Variants in DIP2A observed in about 807,000 individuals in gnomAD.
DIP2A encodes DIP2 acetate--CoA ligase A, also known as disco-interacting protein 2 homolog A.
Under a neutral mutation model 177.4 loss-of-function variants are expected in DIP2A, and 85 were observed. That is an observed-to-expected ratio of 0.48 (90% confidence interval 0.40 to 0.57). DIP2A has a LOEUF of 0.57. Ranked by LOEUF, DIP2A falls within the 20% of genes least tolerant of loss-of-function variation. The pLI is 0.00. For missense variants in DIP2A, 1,791 were observed against 2,100.2 expected, an observed-to-expected ratio of 0.85 and a Z score of 2.88; for synonymous variants, 886 against 881.8, an observed-to-expected ratio of 1.00 and a Z score of -0.08.
Position 46,567,507 on chromosome 21 carries a change from T to C in DIP2A, c.4601T>C (p.Ile1534Thr). Residue 1534 changes from isoleucine to threonine, a missense_variant, in exon 38 of 38, where the codon ATC (isoleucine) becomes ACC (threonine). By Grantham distance (89) the Ile-to-Thr change is moderately conservative. Coordinates refer to ENST00000417564, the MANE Select transcript of DIP2A (RefSeq NM_015151.4). ...EHYLVVGVVV[I>T]VDPGVIPINS... ...TACCTGGTCGTGGGAGTGGTGGTCA[T>C]CGTGGACCCAGGGGTGATCCCTATC... 6.2e-7 allele frequency: 1 copy of C among 1,613,724 alleles called. No individual in the cohort carries two copies. Among genetic ancestry groups the C allele is most frequent in the Non-Finnish European group, 8.5e-7 (1 of 1,179,816 alleles).
chr21:46,473,065 G>A (rs1254060307), intron 1 of DIP2A, among the ~76,000 whole-genome samples: 1 of 152,162 alleles, frequency 6.6e-6, no homozygotes, highest in East Asian at 1.9e-4. Flanking sequence ...CTGGACAACA[G>A]CAAAGTGTAT....
At chr21:46,481,142 C>T (rs540212967) in intron 1 of DIP2A, among the ~76,000 whole-genome samples, 46 of 152,282 alleles carry the variant, frequency 3.0e-4, no homozygotes, top group African/African-American at 1.1e-3. Flanking sequence ...TGCAGTCTCC[C>T]GGTCCCCCAG....
In DIP2A at chr21:46,520,348, A is replaced by G. The variant is rs371644040; in HGVS notation, c.1102+8734A>G. Among the ~76,000 whole-genome samples, 92 of 152,346 alleles carry G rather than the reference A, an allele frequency of 6.0e-4. 1 individual carries two copies. The South Asian group carries it at 9.7e-3, about 16-fold the overall frequency. ...GTTACTTCTGTTTTCTACTGGTTCT[A>G]TTAGTCCTATTAGTTCAGCTCATGT... On this transcript the variant is annotated intron_variant, in intron 8 of 37. Transcript: ENST00000417564.
intron 9 of DIP2A, among the ~76,000 whole-genome samples, chr21:46,531,503 G>A (rs1040592593): frequency 2.6e-5 from 4 of 152,194 alleles, no homozygotes; most frequent in African/African-American, 9.6e-5. Flanking sequence ...TTTATGCAAC[G>A]CTTTAGAATG....
intron 25 of DIP2A, chr21:46,552,845 C>G (rs2060322297): frequency 6.6e-6 from 1 of 152,212 alleles, no homozygotes; most frequent in African/African-American, 2.4e-5. Flanking sequence ...GTTCTAAAGC[C>G]TACAAACCAG....
chr21:46,476,874 C>G (rs2055893410), intron 1 of DIP2A, among the ~76,000 whole-genome samples: 1 of 152,116 alleles, frequency 6.6e-6, no homozygotes, highest in African/African-American at 2.4e-5. Flanking sequence ...CCACCATGGT[C>G]TCAAACTCCT....
chr21:46,466,661 T>C (rs546631165), intron 1 of DIP2A, among the ~76,000 whole-genome samples: 1 of 151,888 alleles, frequency 6.6e-6, no homozygotes, highest in East Asian at 1.9e-4. Flanking sequence ...TTTTTTTTTT[T>C]AAGAGACTCC....
chr21:46,506,854 G>GC (rs2058040418), intron 6 of DIP2A, among the ~76,000 whole-genome samples: 1 of 132,280 alleles, frequency 7.6e-6, no homozygotes, highest in Non-Finnish European at 1.6e-5. Context: ...CAGGCAGAGT[G>GC]CAGTGGTGCG....
At position 46,519,906 on chromosome 21, in the gene DIP2A, G is replaced by A. The variant is rs547696897; in HGVS notation, c.1102+8292G>A. The stretch of plus-strand genomic sequence containing the variant: ...TTTTTTTTTTTTGAGATGGAGTCTT[G>A]CTCTGCTGCTCAGGCTGGAGTGCAG... On this transcript the variant is annotated intron_variant, in intron 8 of 37. Transcript: ENST00000417564. Among the ~76,000 whole-genome samples the A allele has an allele frequency of 1.2e-4, 12 of 99,832 alleles. No individual in the cohort carries two copies. In the South Asian group the frequency reaches 4.2e-3, roughly 35 times the overall value. 65.5% of individuals were successfully genotyped at this position (99,832 alleles called of 152,430 possible). A position where few individuals can be genotyped will look rare whatever the true frequency, so the allele number is the denominator to read the frequency against.
chr21:46,552,221 A>G (rs1173231816), intron 25 of DIP2A, among the ~76,000 whole-genome samples: 1 of 152,246 alleles, frequency 6.6e-6, no homozygotes. Context: ...AATTAAAAAC[A>G]GTATACATGT....
At chr21:46,566,475 C>G in intron 36 of DIP2A, 85 bp from the exon 37 acceptor site, 24 of 1,571,846 alleles carry the variant, frequency 1.5e-5, no homozygotes, top group Non-Finnish European at 2.1e-5. Flanking sequence ...TGCCTGAGAG[C>G]CCCTGGTTGG....
At chr21:46,506,180 T>C (rs2057972350) in intron 6 of DIP2A, among the ~76,000 whole-genome samples, 1 of 152,158 alleles carries the variant, frequency 6.6e-6, no homozygotes, top group Non-Finnish European at 1.5e-5. Context: ...TGCAGTGGCA[T>C]GATCTTGGCT....
chr21:46,509,514 A>C, intron 7 of DIP2A, 138 bp downstream of exon 7: 1 of 1,093,418 alleles, frequency 9.1e-7, no homozygotes, highest in Non-Finnish European at 1.2e-6. Flanking sequence ...CACTGGGTGT[A>C]ATGGTGAATT....
At chr21:46,500,900 G>A (rs950843635) in intron 5 of DIP2A, among the ~76,000 whole-genome samples, 2 of 152,190 alleles carry the variant, frequency 1.3e-5, no homozygotes, top group Non-Finnish European at 2.9e-5. Context: ...AGATGCAGCT[G>A]TAATCATCTC....
At chr21:46,566,480 G>A in intron 36 of DIP2A, 80 bp from the exon 37 acceptor site, 1 of 1,581,182 alleles carries the variant, frequency 6.3e-7, no homozygotes, top group Admixed American at 1.7e-5. Context: ...GAGAGCCCCT[G>A]GTTGGGCTCA....
At chr21:46,546,192 T>C in intron 20 of DIP2A, 1 of 1,315,392 alleles carries the variant, frequency 7.6e-7, no homozygotes, top group East Asian at 2.8e-5. Context: ...GTCCCCGGGG[T>C]GGATGAGGAT....
At chr21:46,519,614 A>C (rs1258438165) in intron 8 of DIP2A, among the ~76,000 whole-genome samples, 1 of 152,198 alleles carries the variant, frequency 6.6e-6, no homozygotes, top group Non-Finnish European at 1.5e-5. Context: ...TCATAACGCC[A>C]AGAAAATTTG....
intron 1 of DIP2A, among the ~76,000 whole-genome samples, chr21:46,466,700 G>A (rs1324382494): frequency 6.6e-6 from 1 of 151,856 alleles, no homozygotes; most frequent in Non-Finnish European, 1.5e-5. Flanking sequence ...GTTGTATCAA[G>A]GAAGAATGTC....
chr21:46,459,999 T>G (rs1382234076), intron 1 of DIP2A, among the ~76,000 whole-genome samples: 1 of 152,066 alleles, frequency 6.6e-6, no homozygotes, highest in East Asian at 1.9e-4. Context: ...CGCAGGCAGC[T>G]ACTTCCCTTG....
Sources: gnomAD v4.1 joint callset for allele counts (sites outside exome capture counted in the v4.1 genomes callset) on GRCh38, gnomAD v4.1.1 for gene constraint, MANE v1.5 for transcripts, NCBI Gene and HGNC (gene_info 2026-07-23, HGNC 2026-07-21) for gene names.